STK32B: variants seen among roughly 807,000 people sequenced by gnomAD.
The protein encoded by STK32B is serine/threonine-protein kinase 32B.
A neutral mutation model predicts 52.6 loss-of-function variants in STK32B; 43 were observed. The observed-to-expected ratio is 0.82, with a 90% CI of 0.64 to 1.05. STK32B has a LOEUF of 1.05. Ranked by LOEUF, STK32B falls within the 50% of genes least tolerant of loss-of-function variation. STK32B has a pLI of 0.00. For missense variants in STK32B, 621 were observed against 534.6 expected (o/e 1.16, Z -1.59); for synonymous variants, 238 against 204.3 (o/e 1.17, Z -1.41).
intron 3 of STK32B, among the ~76,000 whole-genome samples, chr4:5,189,610 T>G (rs1213529783): frequency 6.6e-6 from 1 of 152,194 alleles, no homozygotes; most frequent in Admixed American, 6.5e-5. Context: ...TAAACCTGCT[T>G]TAAACATCTG....
chr4:5,210,614 C>T (rs1560228742), intron 3 of STK32B, among the ~76,000 whole-genome samples: 1 of 152,088 alleles, frequency 6.6e-6, no homozygotes, highest in East Asian at 1.9e-4. Context: ...TCCATGAAGG[C>T]AGGGACCAGG....
intron 3 of STK32B, among the ~76,000 whole-genome samples, chr4:5,275,139 G>A (rs752790511): frequency 7.9e-5 from 12 of 152,132 alleles, no homozygotes; most frequent in Non-Finnish European, 1.5e-4. Context: ...GTGGCCCACC[G>A]CCATTTTGGA....
At chr4:5,484,569 G>C (rs905767311) in intron 11 of STK32B, among the ~76,000 whole-genome samples, 1 of 152,082 alleles carries the variant, frequency 6.6e-6, no homozygotes, top group Non-Finnish European at 1.5e-5. Context: ...CTTTTAATTG[G>C]AGCATTTAGC....
chr4:5,415,820 T>C (rs966207370), intron 5 of STK32B, among the ~76,000 whole-genome samples: 4 of 152,164 alleles, frequency 2.6e-5, no homozygotes, highest in Non-Finnish European at 5.9e-5. Context: ...ACATCAGGCA[T>C]GCCCCTCCCA....
intron 3 of STK32B, among the ~76,000 whole-genome samples, chr4:5,299,617 T>C (rs1729424483): frequency 6.6e-6 from 1 of 152,194 alleles, no homozygotes; most frequent in South Asian, 2.1e-4. Context: ...TCTCTTACAT[T>C]GGTGTACATG....
intron 3 of STK32B, among the ~76,000 whole-genome samples, chr4:5,248,498 C>G (rs1725628213): frequency 6.6e-6 from 1 of 152,184 alleles, no homozygotes; most frequent in African/African-American, 2.4e-5. Context: ...CAAAACTGTA[C>G]TGGTCAATTT....
At chr4:5,032,476 C>CAAAAAAAAAAAAAAAAAAAA in the STK32B span, among the ~76,000 whole-genome samples, 1 of 49,694 alleles carries the variant, frequency 2.0e-5, no homozygotes, top group Admixed American at 2.9e-4. Flanking sequence ...GACTCCATCT[C>CAAAAAAAAAAAAAAAAAAAA]AAAAAAAAAA....
At chr4:5,328,867 G>T (rs555057061) in intron 3 of STK32B, among the ~76,000 whole-genome samples, 2 of 152,172 alleles carry the variant, frequency 1.3e-5, no homozygotes, top group Admixed American at 6.5e-5. Flanking sequence ...TCTTTGTTGA[G>T]GGGGAGGAGC....
intron 4 of STK32B, among the ~76,000 whole-genome samples, chr4:5,362,785 A>G (rs762706900): frequency 5.3e-5 from 8 of 152,206 alleles, no homozygotes; most frequent in Non-Finnish European, 1.0e-4. Context: ...CTAGTCTTCC[A>G]TCTGTGCCTT....
intron 11 of STK32B, among the ~76,000 whole-genome samples, chr4:5,497,389 G>A (rs989333009): frequency 6.6e-6 from 1 of 152,206 alleles, no homozygotes; most frequent in Non-Finnish European, 1.5e-5. Flanking sequence ...CTTCAACTGA[G>A]GGTAAGAGGA....
At chr4:5,447,837 T>G (rs900584835) in intron 7 of STK32B, among the ~76,000 whole-genome samples, 1 of 152,208 alleles carries the variant, frequency 6.6e-6, no homozygotes, top group East Asian at 1.9e-4. Flanking sequence ...GGAGACATGG[T>G]TTGCCTGAGA....
At chr4:5,231,561 G>A (rs1415260122) in intron 3 of STK32B, among the ~76,000 whole-genome samples, 2 of 152,160 alleles carry the variant, frequency 1.3e-5, no homozygotes, top group Non-Finnish European at 2.9e-5. Flanking sequence ...GCAGTGAGCC[G>A]AGATTGCACC....
chr4:5,235,035 T>C (rs1201683405), intron 3 of STK32B, among the ~76,000 whole-genome samples: 1 of 152,210 alleles, frequency 6.6e-6, no homozygotes, highest in African/African-American at 2.4e-5. Flanking sequence ...TTCATTATGA[T>C]GTTAAGTAAA....
chr4:5,030,546 G>A, the STK32B span, among the ~76,000 whole-genome samples: 3 of 152,336 alleles, frequency 2.0e-5, no homozygotes, highest in East Asian at 5.8e-4. Flanking sequence ...TCTGGTGCTT[G>A]GGGCACTAGG....
intron 6 of STK32B, among the ~76,000 whole-genome samples, chr4:5,444,933 C>A (rs1333038599): frequency 2.6e-5 from 4 of 152,304 alleles, no homozygotes; most frequent in South Asian, 4.1e-4. Context: ...GGGACATGTT[C>A]TCAAATTCCC....
rs189616398 is a variant in STK32B, at chr4:5,090,551, G to A, written c.52+38636G>A. The stretch of plus-strand genomic sequence containing the variant: ...ACTAATTTTTTGTATTTTTAGTAGA[G>A]ACGGGGTTTCACTGTGTTAGCCAGG... On this transcript the variant is annotated intron_variant, in intron 1 of 11. Coordinates refer to ENST00000282908, the MANE Select transcript of STK32B (RefSeq NM_018401.3). 1.5e-3 allele frequency among the ~76,000 whole-genome samples: 222 copies of A among 151,972 alleles called. 1 individual carries two copies. Among genetic ancestry groups the A allele is most frequent in the Admixed American group, 8.1e-3 (124 of 15,272 alleles).
chr4:5,159,610 AATATAT>A (rs374692768), intron 2 of STK32B, among the ~76,000 whole-genome samples: 3 of 95,314 alleles, frequency 3.1e-5, no homozygotes, highest in South Asian at 3.1e-4. Flanking sequence ...TATATATATG[AATATAT>A]ATGAATATAT....
intron 11 of STK32B, among the ~76,000 whole-genome samples, chr4:5,475,249 C>A (rs1718150066): frequency 1.3e-5 from 2 of 149,910 alleles, no homozygotes; most frequent in Non-Finnish European, 3.0e-5. Flanking sequence ...GTGAAACCCC[C>A]ATCTATACTA....
chr4:5,272,644 T>A (rs1244358040), intron 3 of STK32B, among the ~76,000 whole-genome samples: 1 of 152,024 alleles, frequency 6.6e-6, no homozygotes, highest in Non-Finnish European at 1.5e-5. Context: ...AAAACAGAGA[T>A]ATAGATCAAT....
Sources: gnomAD v4.1 joint callset for allele counts (sites outside exome capture counted in the v4.1 genomes callset) on GRCh38, gnomAD v4.1.1 for gene constraint, MANE v1.5 for transcripts, NCBI Gene and HGNC (gene_info 2026-07-23, HGNC 2026-07-21) for gene names.